DLGAP1: variants seen among roughly 807,000 people sequenced by gnomAD.
The protein encoded by DLGAP1 is DLG associated protein 1, also known as disks large-associated protein 1.
DLGAP1 carries 11 observed loss-of-function variants against 90.8 expected under a neutral mutation model. The ratio of observed to expected loss-of-function variants is 0.12; its 90% CI spans 0.08 to 0.20. DLGAP1 has a LOEUF of 0.20. Among genes scored for constraint, DLGAP1 ranks in the 10% least tolerant of loss-of-function variants. The pLI, the probability that DLGAP1 is intolerant of heterozygous loss-of-function variation, is 1.00. For missense variants in DLGAP1, 1,050 were observed against 1,333.8 expected (o/e 0.79, Z 3.31); for synonymous variants, 558 against 540.7 (o/e 1.03, Z -0.44).
chr18:4,345,036 A>G (rs2081276920), intron 1 of DLGAP1, among the ~76,000 whole-genome samples: 1 of 152,200 alleles, frequency 6.6e-6, no homozygotes, highest in African/African-American at 2.4e-5. Flanking sequence ...TTTGAGATGC[A>G]GTATAACCTG....
chr18:3,895,181 A>G (rs79267676), intron 3 of DLGAP1, among the ~76,000 whole-genome samples: 2 of 152,024 alleles, frequency 1.3e-5, no homozygotes, highest in African/African-American at 4.8e-5. Context: ...CAGCTTGAAT[A>G]CCAGGAAGGT....
chr18:4,426,739 C>A (rs2083167140), intron 1 of DLGAP1, among the ~76,000 whole-genome samples: 1 of 152,162 alleles, frequency 6.6e-6, no homozygotes, highest in African/African-American at 2.4e-5. Context: ...ACGATCTCAG[C>A]AAATGCTAGA....
chr18:3,537,635 G>T (rs2052451836), intron 9 of DLGAP1, among the ~76,000 whole-genome samples: 2 of 152,166 alleles, frequency 1.3e-5, no homozygotes, highest in African/African-American at 2.4e-5. Context: ...TCCCGAGGTA[G>T]AACTACTGAG....
At chr18:3,706,870 G>A (rs2061449821) in intron 7 of DLGAP1, among the ~76,000 whole-genome samples, 1 of 152,104 alleles carries the variant, frequency 6.6e-6, no homozygotes, top group South Asian at 2.1e-4. Context: ...TTCCCCAAAT[G>A]AGAACTTGAC....
intron 3 of DLGAP1, among the ~76,000 whole-genome samples, chr18:3,925,665 T>G (rs1371337825): frequency 3.3e-5 from 5 of 152,142 alleles, no homozygotes. Flanking sequence ...CACACAGATC[T>G]CAGTAAGACA....
intron 7 of DLGAP1, among the ~76,000 whole-genome samples, chr18:3,712,254 G>T (rs1436216330): frequency 1.3e-5 from 2 of 152,318 alleles, no homozygotes; most frequent in African/African-American, 4.8e-5. Flanking sequence ...TGTAGTGGGG[G>T]TCAGCCCAGC....
At chr18:3,794,751 C>T (rs1254384916) in intron 5 of DLGAP1, among the ~76,000 whole-genome samples, 1 of 152,222 alleles carries the variant, frequency 6.6e-6, no homozygotes, top group Admixed American at 6.5e-5. Context: ...ATCAAGGTGG[C>T]TGTGTGGCTG....
At chr18:4,023,261 TTTTC>T (rs990253673) in intron 2 of DLGAP1, among the ~76,000 whole-genome samples, 1 of 152,172 alleles carries the variant, frequency 6.6e-6, no homozygotes, top group African/African-American at 2.4e-5. Context: ...TTTCTTTAGG[TTTTC>T]TTTCTTTTTC....
intron 1 of DLGAP1, among the ~76,000 whole-genome samples, chr18:4,272,846 G>C (rs903853019): frequency 8.5e-5 from 13 of 152,186 alleles, no homozygotes; most frequent in African/African-American, 3.1e-4. Context: ...CACTGGTTCA[G>C]GGTGGCCCCT....
intron 5 of DLGAP1, among the ~76,000 whole-genome samples, chr18:3,787,905 CA>C (rs558687039): frequency 1.3e-5 from 2 of 151,960 alleles, no homozygotes; most frequent in Admixed American, 1.3e-4. Flanking sequence ...CTGGACTTGT[CA>C]AAAAAACAAT....
intron 2 of DLGAP1, among the ~76,000 whole-genome samples, chr18:4,140,079 G>A (rs905265254): frequency 7.2e-5 from 11 of 151,784 alleles, no homozygotes; most frequent in Non-Finnish European, 1.5e-5. Flanking sequence ...CTTTTGACTG[G>A]CAAGTTAAAT....
intron 1 of DLGAP1, among the ~76,000 whole-genome samples, chr18:4,271,120 C>T (rs973333209): frequency 6.6e-6 from 1 of 152,110 alleles, no homozygotes; most frequent in Non-Finnish European, 1.5e-5. Context: ...AAGTGGTTGA[C>T]AGCTTTCTCC....
chr18:3,986,632 A>C (rs1255168287), intron 3 of DLGAP1: 1 of 152,174 alleles, frequency 6.6e-6, no homozygotes, highest in African/African-American at 2.4e-5. Context: ...GTTTTGGAAG[A>C]GTCCAGAGGA....
chr18:3,980,150 T>C (rs2073694160), intron 3 of DLGAP1, among the ~76,000 whole-genome samples: 1 of 151,330 alleles, frequency 6.6e-6, no homozygotes, highest in South Asian at 2.1e-4. Context: ...AATAAATAAA[T>C]AAATAAACAA....
At chr18:3,692,960 A>G (rs1460958717) in intron 7 of DLGAP1, among the ~76,000 whole-genome samples, 1 of 152,238 alleles carries the variant, frequency 6.6e-6, no homozygotes, top group Admixed American at 6.5e-5. Flanking sequence ...CAGCATGACT[A>G]TCATGAAGCA....
At chr18:4,244,362 T>G (rs2078609084) in intron 1 of DLGAP1, among the ~76,000 whole-genome samples, 1 of 152,174 alleles carries the variant, frequency 6.6e-6, no homozygotes, top group Admixed American at 6.5e-5. Context: ...TCTTTTAATT[T>G]CTAGACTTTT....
intron 5 of DLGAP1, among the ~76,000 whole-genome samples, chr18:3,764,470 G>A (rs1420041699): frequency 1.3e-5 from 2 of 152,030 alleles, no homozygotes; most frequent in African/African-American, 4.8e-5. Context: ...AGGTAATTGT[G>A]ATCTACTGTT....
chr18:4,125,022 T>G (rs4798174), intron 2 of DLGAP1, among the ~76,000 whole-genome samples: 1 of 152,034 alleles, frequency 6.6e-6, no homozygotes, highest in African/African-American at 2.4e-5. Flanking sequence ...AGCCTCAGTA[T>G]GACAATGGCC....
intron 2 of DLGAP1, among the ~76,000 whole-genome samples, chr18:4,066,200 TA>T (rs1243727234): frequency 6.6e-6 from 1 of 152,052 alleles, no homozygotes; most frequent in Non-Finnish European, 1.5e-5. Flanking sequence ...TCCAAGATCA[TA>T]AAAACCCTGG....
Sources: gnomAD v4.1 joint callset for allele counts (sites outside exome capture counted in the v4.1 genomes callset) on GRCh38, gnomAD v4.1.1 for gene constraint, MANE v1.5 for transcripts, NCBI Gene and HGNC (gene_info 2026-07-23, HGNC 2026-07-21) for gene names.